TANC2: variants seen among roughly 807,000 people sequenced by gnomAD.
The protein encoded by TANC2 is protein TANC2.
A neutral mutation model predicts 210.5 loss-of-function variants in TANC2; 26 were observed. The observed-to-expected ratio is 0.12, with a 90% CI of 0.09 to 0.17. TANC2 has a LOEUF of 0.17. Ranked by LOEUF, TANC2 falls within the 10% of genes least tolerant of loss-of-function variation. The pLI is 1.00. For synonymous variants in TANC2, 931 were observed against 967.1 expected (o/e 0.96, Z 0.69); for missense variants, 2,129 against 2,608.9 (o/e 0.82, Z 4.01).
chr17:63,281,755 G>A (rs2044065151), intron 9 of TANC2, among the ~76,000 whole-genome samples: 1 of 151,998 alleles, frequency 6.6e-6, no homozygotes, highest in Admixed American at 6.6e-5. Context: ...CTAAATTAGG[G>A]TGAGCCCTAA....
intron 8 of TANC2, among the ~76,000 whole-genome samples, chr17:63,260,391 C>A (rs931254822): frequency 7.2e-5 from 11 of 152,232 alleles, no homozygotes; most frequent in African/African-American, 2.7e-4. Context: ...CATGAATAAG[C>A]AGGGTTCTGT....
At chr17:63,128,796 G>C (rs1280121738) in intron 4 of TANC2, among the ~76,000 whole-genome samples, 1 of 152,156 alleles carries the variant, frequency 6.6e-6, no homozygotes, top group African/African-American at 2.4e-5. Flanking sequence ...AGAATTTGTG[G>C]AATAGACCTG....
intron 7 of TANC2, among the ~76,000 whole-genome samples, chr17:63,216,890 C>T (rs1242152665): frequency 1.3e-5 from 2 of 152,078 alleles, no homozygotes; most frequent in Non-Finnish European, 2.9e-5. Flanking sequence ...TCTCTGACCA[C>T]AGCATGATTA....
intron 4 of TANC2, among the ~76,000 whole-genome samples, chr17:63,121,563 C>A (rs1210563820): frequency 6.6e-6 from 1 of 151,932 alleles, no homozygotes; most frequent in Non-Finnish European, 1.5e-5. Context: ...CAAAAGGAAA[C>A]CTGGAAATTT....
At chr17:63,070,568 C>T (rs2036361228) in intron 2 of TANC2, among the ~76,000 whole-genome samples, 1 of 152,124 alleles carries the variant, frequency 6.6e-6, no homozygotes, top group South Asian at 2.1e-4. Context: ...ACTAATCTCC[C>T]TGCCTTTAGA....
chr17:63,340,101 G>C (rs1321365646), exon 12 of TANC2: 2 of 1,612,598 alleles, frequency 1.2e-6, no homozygotes, highest in Non-Finnish European at 8.5e-7. Flanking sequence ...TCTTTTGCAG[G>C]TGGTTGCCTA....
chr17:63,062,050 A>G (rs1438984019), intron 2 of TANC2, among the ~76,000 whole-genome samples: 1 of 152,082 alleles, frequency 6.6e-6, no homozygotes, highest in Non-Finnish European at 1.5e-5. Context: ...TGCACATTAC[A>G]GTTTTGAATT....
chr17:62,987,074 G>C (rs1345153634), intron 1 of TANC2, among the ~76,000 whole-genome samples: 1 of 152,174 alleles, frequency 6.6e-6, no homozygotes, highest in Admixed American at 6.5e-5. Flanking sequence ...TCAGAGACTT[G>C]AGGGCCTCTC....
intron 1 of TANC2, among the ~76,000 whole-genome samples, chr17:62,980,531 C>T (rs531683772): frequency 1.4e-4 from 22 of 152,194 alleles, no homozygotes; most frequent in African/African-American, 5.1e-4. Context: ...ACTTCTGGCC[C>T]AAAGCATTTT....
At chr17:63,043,538 T>C (rs150089598) in intron 2 of TANC2, among the ~76,000 whole-genome samples, 23 of 152,240 alleles carry the variant, frequency 1.5e-4, no homozygotes, top group Middle Eastern at 3.4e-3. Context: ...CAAAGTCATA[T>C]AGTAAATGGT....
Position 63,420,241 on chromosome 17 carries a change from T to C in TANC2, c.4511T>C (p.Val1504Ala). ...GAGGAGGAGTACCTGGAACAGGATGTTGAAAATGTTTCCATTGGCCTCCAG... is the reference window on the plus strand; with the variant it reads ...GAGGAGGAGTACCTGGAACAGGATGCTGAAAATGTTTCCATTGGCCTCCAG... The change falls in exon 28 of 28, where the codon GTT becomes GCT. Residue 1504 changes from valine (V) to alanine (A), a missense_variant. Coordinates refer to ENST00000689528, the Ensembl canonical transcript of TANC2. The surrounding 1 kb of genome is among the most constrained non-coding windows in gnomAD (Gnocchi z 4.2). 1 of 1,613,392 alleles carries C rather than the reference T, an allele frequency of 6.2e-7. No homozygotes were observed. Among genetic ancestry groups the C allele is most frequent in the South Asian group, 1.1e-5 (1 of 90,990 alleles).
At chr17:63,022,450 G>A (rs1031115647) in intron 2 of TANC2, among the ~76,000 whole-genome samples, 1 of 152,136 alleles carries the variant, frequency 6.6e-6, no homozygotes, top group African/African-American at 2.4e-5. Context: ...TGAGCTATGG[G>A]AGCAAAGGGA....
chr17:63,394,577 T>C (rs978385218), intron 17 of TANC2, among the ~76,000 whole-genome samples: 1 of 152,360 alleles, frequency 6.6e-6, no homozygotes, highest in Middle Eastern at 3.4e-3. Context: ...GAAATATCCA[T>C]GCTCTGTCCC....
Position 63,362,383 on chromosome 17 carries a change from C to T in TANC2, c.2582+6993C>T, listed in dbSNP as rs556860512. Among the ~76,000 whole-genome samples, 29 of 152,328 alleles carry T rather than the reference C, an allele frequency of 1.9e-4. No homozygotes were observed. The South Asian group carries it at 6.0e-3, about 32-fold the overall frequency. On this transcript the variant is annotated intron_variant, in intron 14 of 27. Transcript: ENST00000689528. ...TGGACTCCACCCAGAACTGACAGCCCAGCCCCCATGCTTCAGGCCGTTTCT... is the reference window on the plus strand; with the variant it reads ...TGGACTCCACCCAGAACTGACAGCCTAGCCCCCATGCTTCAGGCCGTTTCT...
In TANC2 at chr17:62,972,350, A is replaced by G. The variant is rs377384716; in HGVS notation, c.-24+5601A>G. 5.3e-5 allele frequency among the ~76,000 whole-genome samples: 8 copies of G among 152,152 alleles called. No individual in the cohort carries two copies. The East Asian group carries it at 1.3e-3, about 26-fold the overall frequency. The stretch of plus-strand genomic sequence containing the variant: ...GTCAAAATAATTGTGTTAGTGTTCT[A>G]TTATGCCTTTTCTTCCCCGTAATAT... On this transcript the variant is annotated intron_variant, in intron 1 of 27. Transcript: ENST00000689528.
intron 4 of TANC2, chr17:63,148,433 GC>G (rs2039534902): frequency 6.6e-6 from 1 of 152,118 alleles, no homozygotes; most frequent in Non-Finnish European, 1.5e-5. Flanking sequence ...TAAATAACTT[GC>G]CTAATTTCTT....
chr17:63,214,810 G>T (rs2041980655), intron 7 of TANC2, among the ~76,000 whole-genome samples: 1 of 152,210 alleles, frequency 6.6e-6, no homozygotes, highest in South Asian at 2.1e-4. Context: ...ACCCAGTACA[G>T]TCCAACCCTT....
At chr17:63,396,339 G>T (rs1272414467) in intron 18 of TANC2, 2 of 172,906 alleles carry the variant, frequency 1.2e-5, no homozygotes, top group East Asian at 3.1e-4. Context: ...TCTAGCCCTT[G>T]AACAATTTAC....
intron 9 of TANC2, among the ~76,000 whole-genome samples, chr17:63,276,144 C>A (rs919250871): frequency 6.6e-6 from 1 of 151,998 alleles, no homozygotes; most frequent in Non-Finnish European, 1.5e-5. Flanking sequence ...GAAATAACTT[C>A]CCCAGATGCT....
Sources: allele counts gnomAD v4.1 joint callset (sites outside exome capture counted in the v4.1 genomes callset), GRCh38; gene constraint gnomAD v4.1.1; non-coding constraint Gnocchi (gnomAD v3.1); transcripts MANE v1.5; gene names NCBI Gene and HGNC (gene_info 2026-07-23, HGNC 2026-07-21).